TAFA4: variants seen among roughly 807,000 people sequenced by gnomAD.
TAFA4 encodes the protein chemokine-like protein TAFA-4.
A neutral mutation model predicts 21.1 loss-of-function variants in TAFA4; 20 were observed. The ratio of observed to expected loss-of-function variants is 0.95; its 90% CI spans 0.67 to 1.38. The LOEUF is 1.38. Ranked by LOEUF, TAFA4 falls within the 40% of genes most tolerant of loss-of-function variation. The probability of loss-of-function intolerance (pLI) is 0.00; values close to 1 mark genes in which losing one functional copy is unlikely to be tolerated. For synonymous variants in TAFA4, 71 were observed against 67.4 expected (o/e 1.05, Z -0.26); for missense variants, 211 against 180.9 (o/e 1.17, Z -0.95).
chr3:68,781,469 T>G (rs1367361115), intron 3 of TAFA4, among the ~76,000 whole-genome samples: 1 of 151,974 alleles, frequency 6.6e-6, no homozygotes, highest in Admixed American at 6.6e-5. Context: ...ATATTGATAA[T>G]AAAAGGAAAA....
chr3:68,776,898 C>A (rs1477544196), intron 3 of TAFA4, among the ~76,000 whole-genome samples: 1 of 151,956 alleles, frequency 6.6e-6, no homozygotes, highest in African/African-American at 2.4e-5. Context: ...AAATAATCAT[C>A]AAGTCAAAGA....
chr3:68,760,043 T>G (rs916918538), intron 3 of TAFA4, among the ~76,000 whole-genome samples: 1 of 152,188 alleles, frequency 6.6e-6, no homozygotes, highest in African/African-American at 2.4e-5. Context: ...CTTCTGAAAT[T>G]GCAATCGGGT....
intron 3 of TAFA4, among the ~76,000 whole-genome samples, chr3:68,793,076 G>A (rs763535982): frequency 8.6e-5 from 13 of 151,918 alleles, no homozygotes; most frequent in Non-Finnish European, 1.8e-4. Context: ...TCTTGAGTTC[G>A]CAAAGCATCT....
At chr3:68,821,852 A>G (rs1000897947) in intron 3 of TAFA4, among the ~76,000 whole-genome samples, 10 of 152,186 alleles carry the variant, frequency 6.6e-5, no homozygotes, top group African/African-American at 2.4e-4. Context: ...TTAAACCATG[A>G]TAAGTAACTA....
At chr3:68,822,384 T>C (rs1704132353) in intron 3 of TAFA4, among the ~76,000 whole-genome samples, 2 of 152,324 alleles carry the variant, frequency 1.3e-5, no homozygotes, top group African/African-American at 4.8e-5. Flanking sequence ...TTGGCCTTTT[T>C]TCTTATTCAC....
chr3:68,914,752 T>G (rs1575671124), intron 1 of TAFA4, among the ~76,000 whole-genome samples: 1 of 152,172 alleles, frequency 6.6e-6, no homozygotes, highest in Non-Finnish European at 1.5e-5. Flanking sequence ...ACACAGTCCT[T>G]TATTCCAGCA....
chr3:68,731,984 C>T lies in TAFA4; in HGVS notation c.*1158G>A, dbSNP rs375840490. On this transcript the variant is annotated 3_prime_UTR_variant, in exon 6 of 6. Coordinates refer to ENST00000295569, the MANE Select transcript of TAFA4 (RefSeq NM_182522.5). ...TGCAGAAACTATGTTTTTGGCATTT[C>T]TTAATATATAAAATTCATCCCATAT... 6.6e-6 allele frequency: 1 copy of T among 152,206 alleles called. No homozygotes were observed. Among genetic ancestry groups the T allele is most frequent in the East Asian group, 1.9e-4 (1 of 5,194 alleles). The allele number at this position is 152,206 out of a possible 1,614,324, so 9.4% of individuals were successfully genotyped here. A position where few individuals can be genotyped will look rare whatever the true frequency, so the allele number is the denominator to read the frequency against.
chr3:68,806,772 C>T (rs997458954), intron 3 of TAFA4, among the ~76,000 whole-genome samples: 2 of 152,156 alleles, frequency 1.3e-5, no homozygotes, highest in African/African-American at 4.8e-5. Flanking sequence ...CCCTTCTCTA[C>T]TCTCTACCAT....
chr3:68,919,961 A>T (rs1488441556), intron 1 of TAFA4, among the ~76,000 whole-genome samples: 1 of 152,216 alleles, frequency 6.6e-6, no homozygotes, highest in Non-Finnish European at 1.5e-5. Flanking sequence ...GAAAAATGCA[A>T]ACACATGGGT....
chr3:68,786,859 C>A (rs1703271639), intron 3 of TAFA4, among the ~76,000 whole-genome samples: 1 of 151,972 alleles, frequency 6.6e-6, no homozygotes, highest in Non-Finnish European at 1.5e-5. Context: ...TTTTAATTTA[C>A]TGGGGAAGGA....
chr3:68,902,123 A>G (rs2089849460), intron 1 of TAFA4, among the ~76,000 whole-genome samples: 1 of 152,204 alleles, frequency 6.6e-6, no homozygotes, highest in Non-Finnish European at 1.5e-5. Context: ...ACTTTGAGGC[A>G]GTTGCTATCA....
Position 68,932,510 on chromosome 3 carries a change from G to C in TAFA4, c.-393C>G, listed in dbSNP as rs1353845936. On this transcript the variant is annotated 5_prime_UTR_variant, in exon 1 of 6. Transcript: ENST00000295569. Reference sequence around the variant, plus strand: ...TTTGCCCGCAGCCGCGCGCGCAGTCGGTGCGCCCCGTCCAGGGCGGCGCGC... The same window carrying C: ...TTTGCCCGCAGCCGCGCGCGCAGTCCGTGCGCCCCGTCCAGGGCGGCGCGC... 2 of 152,190 alleles carry C rather than the reference G, an allele frequency of 1.3e-5. No homozygotes were observed. The highest frequency in any genetic ancestry group is 4.8e-5 in the African/African-American group (2 of 41,416). The allele number at this position is 152,190 out of a possible 1,614,324, so 9.4% of individuals were successfully genotyped here. A position where few individuals can be genotyped will look rare whatever the true frequency, so the allele number is the denominator to read the frequency against.
Position 68,832,217 on chromosome 3 carries a change from C to T in TAFA4, c.130+48513G>A, listed in dbSNP as rs948003449. Reference sequence around the variant, plus strand: ...ACTCATTCTCTGTCCAGTTTTGTTCCCTTGCTGGTGAGGAGCTGTGTTCCT... The same window carrying T: ...ACTCATTCTCTGTCCAGTTTTGTTCTCTTGCTGGTGAGGAGCTGTGTTCCT... On this transcript the variant is annotated intron_variant, in intron 3 of 5. Coordinates refer to ENST00000295569, the MANE Select transcript of TAFA4 (RefSeq NM_182522.5). Among the ~76,000 whole-genome samples the T allele has an allele frequency of 2.6e-5, 4 of 152,114 alleles. No homozygotes were observed. In the East Asian group the frequency reaches 5.8e-4, roughly 22 times the overall value.
chr3:68,860,274 G>A (rs1223636291), intron 3 of TAFA4, among the ~76,000 whole-genome samples: 1 of 152,076 alleles, frequency 6.6e-6, no homozygotes, highest in African/African-American at 2.4e-5. Flanking sequence ...GAACAGAAGG[G>A]TTTATTCACT....
At chr3:68,752,641 C>G (rs564542057) in intron 4 of TAFA4, among the ~76,000 whole-genome samples, 2 of 152,222 alleles carry the variant, frequency 1.3e-5, no homozygotes, top group Non-Finnish European at 1.5e-5. Context: ...TCCCAACTGC[C>G]CTATAATATA....
At chr3:68,840,904 T>C (rs991848792) in intron 3 of TAFA4, among the ~76,000 whole-genome samples, 3 of 152,206 alleles carry the variant, frequency 2.0e-5, no homozygotes, top group Admixed American at 6.5e-5. Context: ...CTGAACTAAA[T>C]GGAGTTTCTT....
intron 2 of TAFA4, among the ~76,000 whole-genome samples, chr3:68,882,152 T>C (rs1297830246): frequency 6.6e-6 from 1 of 152,198 alleles, no homozygotes; most frequent in Non-Finnish European, 1.5e-5. Context: ...TTAAACTGTT[T>C]CAAAATGGTT....
chr3:68,861,568 T>C (rs527768088), intron 3 of TAFA4, among the ~76,000 whole-genome samples: 1 of 151,902 alleles, frequency 6.6e-6, no homozygotes, highest in African/African-American at 2.4e-5. Context: ...CCACAAAAGA[T>C]GCATGGACCC....
chr3:68,819,007 A>C (rs990338439), intron 3 of TAFA4, among the ~76,000 whole-genome samples: 1 of 152,170 alleles, frequency 6.6e-6, no homozygotes, highest in Non-Finnish European at 1.5e-5. Context: ...GTGGTGGCTC[A>C]TATGCCTACA....
Sources: gnomAD v4.1 joint callset for allele counts (sites outside exome capture counted in the v4.1 genomes callset) on GRCh38, gnomAD v4.1.1 for gene constraint, MANE v1.5 for transcripts, NCBI Gene and HGNC (gene_info 2026-07-23, HGNC 2026-07-21) for gene names.